The following LSAMP variants were observed in gnomAD, a reference collection of about 807,000 sequenced individuals.
LSAMP encodes limbic system-associated membrane protein.
LSAMP carries 7 observed loss-of-function variants against 38.6 expected under a neutral mutation model. The observed-to-expected ratio is 0.18, with a 90% CI of 0.10 to 0.34. The LOEUF is 0.34. LSAMP is among the 10% of genes least tolerant of loss of function. LSAMP has a pLI of 1.00. For synonymous variants in LSAMP, 154 were observed against 166.8 expected (o/e 0.92, Z 0.59); for missense variants, 313 against 420.0 (o/e 0.75, Z 2.23).
At chr3:116,344,508 C>T (rs889127757) in intron 1 of LSAMP, among the ~76,000 whole-genome samples, 1 of 152,072 alleles carries the variant, frequency 6.6e-6, no homozygotes, top group African/African-American at 2.4e-5. Flanking sequence ...ACTCATAACC[C>T]TACCTTCACC....
chr3:116,388,283 G>C (rs1437482150), intron 1 of LSAMP, among the ~76,000 whole-genome samples: 1 of 152,122 alleles, frequency 6.6e-6, no homozygotes, highest in Non-Finnish European at 1.5e-5. Context: ...CCTTTTGGTT[G>C]ATTCACCCAA....
chr3:116,441,475 C>G (rs1281825853), intron 1 of LSAMP, among the ~76,000 whole-genome samples: 1 of 152,114 alleles, frequency 6.6e-6, no homozygotes, highest in Non-Finnish European at 1.5e-5. Flanking sequence ...AAATCTGCCA[C>G]TCATGTTGAA....
chr3:116,315,970 G>A (rs1030604408), intron 1 of LSAMP, among the ~76,000 whole-genome samples: 4 of 152,192 alleles, frequency 2.6e-5, no homozygotes, highest in Non-Finnish European at 5.9e-5. Context: ...ATTCAAATGA[G>A]AATCCAAGTG....
At chr3:116,257,222 T>C (rs2046763731) in intron 1 of LSAMP, among the ~76,000 whole-genome samples, 1 of 152,212 alleles carries the variant, frequency 6.6e-6, no homozygotes, top group African/African-American at 2.4e-5. Flanking sequence ...TACTGACTAA[T>C]GTAATTGGTA....
At chr3:116,304,768 C>T (rs1477007510) in intron 1 of LSAMP, among the ~76,000 whole-genome samples, 1 of 151,976 alleles carries the variant, frequency 6.6e-6, no homozygotes, top group East Asian at 1.9e-4. Context: ...TAAACTAAGG[C>T]CATGGTGCTG....
chr3:116,149,966 G>A (rs925519709), intron 1 of LSAMP, among the ~76,000 whole-genome samples: 3 of 151,952 alleles, frequency 2.0e-5, no homozygotes, highest in African/African-American at 4.8e-5. Flanking sequence ...TATTACTCAG[G>A]TTATGTAAGT....
intron 3 of LSAMP, among the ~76,000 whole-genome samples, chr3:115,986,399 A>G (rs1939509438): frequency 6.6e-6 from 1 of 152,172 alleles, no homozygotes; most frequent in South Asian, 2.1e-4. Context: ...AACACATTTC[A>G]CCAGTATATC....
intron 3 of LSAMP, among the ~76,000 whole-genome samples, chr3:116,005,998 T>G (rs1223741102): frequency 6.6e-6 from 1 of 152,072 alleles, no homozygotes; most frequent in Non-Finnish European, 1.5e-5. Flanking sequence ...ACAGGGCAAT[T>G]AAAAATCTGT....
At chr3:115,978,792 G>A (rs1171815958) in intron 3 of LSAMP, among the ~76,000 whole-genome samples, 3 of 152,048 alleles carry the variant, frequency 2.0e-5, no homozygotes, top group African/African-American at 7.2e-5. Context: ...GCTGATAAAG[G>A]CTTTGGTTGA....
intron 3 of LSAMP, among the ~76,000 whole-genome samples, chr3:115,992,457 C>T (rs931536063): frequency 9.2e-5 from 14 of 152,080 alleles, no homozygotes; most frequent in Middle Eastern, 3.4e-3. Context: ...GTGAGTAGGA[C>T]GATCAAAGAC....
intron 1 of LSAMP, among the ~76,000 whole-genome samples, chr3:116,413,661 C>G (rs2049009394): frequency 2.0e-5 from 3 of 152,188 alleles, no homozygotes; most frequent in Admixed American, 1.3e-4. Flanking sequence ...TATGCACATG[C>G]AGCAGGCGGA....
rs377278227 is a variant in LSAMP at position 116,105,630 on chromosome 3, A to G, written c.156-19074T>C. On this transcript the variant is annotated intron_variant, in intron 1 of 6. Transcript: ENST00000490035. ...TTCACAGGGTTAATCACTCAGTTAA[A>G]GTGGGGCAGGAACAAATCACAATGG... Among the ~76,000 whole-genome samples, 913 of 145,116 alleles carry G rather than the reference A, an allele frequency of 6.3e-3. 9 individuals carry two copies. Among genetic ancestry groups the G allele is most frequent in the African/African-American group, 0.022 (838 of 38,972 alleles).
intron 3 of LSAMP, among the ~76,000 whole-genome samples, chr3:116,003,975 C>T (rs1031338360): frequency 6.6e-6 from 1 of 152,176 alleles, no homozygotes; most frequent in African/African-American, 2.4e-5. Flanking sequence ...CAAACTAATA[C>T]ACAGACGTAG....
At chr3:115,830,790 A>G (rs558177694) in intron 6 of LSAMP, among the ~76,000 whole-genome samples, 10 of 152,256 alleles carry the variant, frequency 6.6e-5, no homozygotes, top group East Asian at 5.8e-4. Context: ...TTTTTCTCCC[A>G]TTTTACCTCT....
At chr3:116,267,748 G>C (rs2046911404) in intron 1 of LSAMP, among the ~76,000 whole-genome samples, 1 of 152,104 alleles carries the variant, frequency 6.6e-6, no homozygotes, top group Admixed American at 6.6e-5. Flanking sequence ...GCCTGCAGCA[G>C]AGACTGACAG....
At chr3:116,268,525 C>CATTTCTTTAACATCCT (rs1317179578) in intron 1 of LSAMP, among the ~76,000 whole-genome samples, 2 of 152,054 alleles carry the variant, frequency 1.3e-5, no homozygotes, top group Non-Finnish European at 2.9e-5. Flanking sequence ...AGGCTCATGC[C>CATTTCTTTAACATCCT]ATTTCTTTAA....
chr3:116,105,305 G>A (rs1007647866), intron 1 of LSAMP, among the ~76,000 whole-genome samples: 74 of 152,212 alleles, frequency 4.9e-4, no homozygotes, highest in Non-Finnish European at 9.0e-4. Flanking sequence ...ACTAACTGCC[G>A]CAAAGACCTT....
chr3:115,903,666 C>T (rs1464150730), intron 3 of LSAMP, among the ~76,000 whole-genome samples: 1 of 151,942 alleles, frequency 6.6e-6, no homozygotes, highest in Non-Finnish European at 1.5e-5. Flanking sequence ...TATTGAGATG[C>T]TATTTGGAAA....
chr3:116,409,604 G>A (rs1402036941), intron 1 of LSAMP, among the ~76,000 whole-genome samples: 1 of 151,956 alleles, frequency 6.6e-6, no homozygotes, highest in African/African-American at 2.4e-5. Flanking sequence ...TGATGACATT[G>A]GCTAGCTCTG....
Sources: allele counts gnomAD v4.1 joint callset (sites outside exome capture counted in the v4.1 genomes callset), GRCh38; gene constraint gnomAD v4.1.1; transcripts MANE v1.5; gene names NCBI Gene and HGNC (gene_info 2026-07-23, HGNC 2026-07-21).